PVT1: variants seen among roughly 807,000 people sequenced by gnomAD.
PVT1 encodes the protein CXCR4/PVT1 fusion.
chr8:127,816,649 G>C (rs1814664070), intron 2 of PVT1, among the ~76,000 whole-genome samples: 1 of 151,854 alleles, frequency 6.6e-6, no homozygotes, highest in African/African-American at 2.4e-5. Context: ...TCAGTCTCCT[G>C]AGTAGCTGGG....
At chr8:127,990,917 G>A (rs1278870212) in intron 4 of PVT1, among the ~76,000 whole-genome samples, 6 of 152,184 alleles carry the variant, frequency 3.9e-5, no homozygotes, top group African/African-American at 1.4e-4. Context: ...TGCCTCTCGT[G>A]ACTCTTGAAA....
chr8:127,832,325 C>T (rs1563616772), intron 2 of PVT1, among the ~76,000 whole-genome samples: 1 of 152,192 alleles, frequency 6.6e-6, no homozygotes, highest in Non-Finnish European at 1.5e-5. Context: ...GCAGGCATCA[C>T]TAGCTGATCA....
intron 4 of PVT1, among the ~76,000 whole-genome samples, chr8:128,069,802 G>A (rs548451499): frequency 6.6e-6 from 1 of 152,258 alleles, no homozygotes; most frequent in Admixed American, 6.5e-5. Flanking sequence ...TTCACGCCTG[G>A]GTTCTCTGAC....
intron 3 of PVT1, among the ~76,000 whole-genome samples, chr8:127,966,115 T>A (rs1816700491): frequency 6.6e-6 from 1 of 152,206 alleles, no homozygotes; most frequent in African/African-American, 2.4e-5. Flanking sequence ...GGTGGATCAA[T>A]GTAGCTGATG....
chr8:128,021,441 C>T (rs1482462047), intron 4 of PVT1, among the ~76,000 whole-genome samples: 4 of 151,868 alleles, frequency 2.6e-5, no homozygotes, highest in African/African-American at 9.7e-5. Flanking sequence ...CCACAGGCGC[C>T]CGCCACCATG....
chr8:127,800,764 G>A (rs1206713677), intron 2 of PVT1, among the ~76,000 whole-genome samples: 1 of 152,142 alleles, frequency 6.6e-6, no homozygotes, highest in Non-Finnish European at 1.5e-5. Flanking sequence ...GATGCAGAAA[G>A]GAAGAAAAAG....
At chr8:128,081,403 A>G (rs1470608173) in intron 5 of PVT1, among the ~76,000 whole-genome samples, 1 of 152,238 alleles carries the variant, frequency 6.6e-6, no homozygotes, top group Non-Finnish European at 1.5e-5. Flanking sequence ...TTGGGTAGAC[A>G]CCAAGGAGCG....
intron 4 of PVT1, chr8:128,048,402 T>G (rs1813646230): frequency 6.6e-6 from 1 of 152,272 alleles, no homozygotes; most frequent in Non-Finnish European, 1.5e-5. Context: ...TCCCGTCCTT[T>G]TCCTTGAGCT....
intron 3 of PVT1, among the ~76,000 whole-genome samples, chr8:127,961,384 G>A (rs1051541820): frequency 6.6e-6 from 1 of 152,168 alleles, no homozygotes; most frequent in Non-Finnish European, 1.5e-5. Context: ...AGAGCCTCTG[G>A]GGTTACAGGA....
intron 2 of PVT1, among the ~76,000 whole-genome samples, chr8:127,868,700 T>C (rs1037264958): frequency 6.9e-6 from 1 of 145,134 alleles, no homozygotes; most frequent in African/African-American, 2.5e-5. Context: ...TCACTGCACC[T>C]GGCCCACAGG....
intron 2 of PVT1, among the ~76,000 whole-genome samples, chr8:127,877,303 C>T (rs1205013806): frequency 1.3e-5 from 2 of 152,224 alleles, no homozygotes; most frequent in Admixed American, 6.5e-5. Flanking sequence ...GCCCTTTTCA[C>T]GCTGCTGTTT....
At chr8:127,920,348 T>C (rs1052208650) in intron 3 of PVT1, among the ~76,000 whole-genome samples, 1 of 152,230 alleles carries the variant, frequency 6.6e-6, no homozygotes, top group Non-Finnish European at 1.5e-5. Context: ...CCCAGGCTCA[T>C]TGAAGACTCT....
At chr8:128,035,688 T>C (rs1306499951) in intron 4 of PVT1, among the ~76,000 whole-genome samples, 5 of 151,980 alleles carry the variant, frequency 3.3e-5, no homozygotes, top group Admixed American at 3.3e-4. Flanking sequence ...ATGGGAAGAG[T>C]GCTGAATTAC....
At chr8:127,998,027 C>T (rs1355019525) in intron 4 of PVT1, among the ~76,000 whole-genome samples, 1 of 152,182 alleles carries the variant, frequency 6.6e-6, no homozygotes, top group Non-Finnish European at 1.5e-5. Context: ...AGGAAGGCCA[C>T]AGAGGTAAAG....
intron 3 of PVT1, among the ~76,000 whole-genome samples, chr8:127,912,969 A>T (rs548189668): frequency 2.0e-5 from 3 of 152,168 alleles, no homozygotes; most frequent in Non-Finnish European, 4.4e-5. Flanking sequence ...AAGTGTTGGG[A>T]TTACAGGCGT....
chr8:127,874,763 C>T (rs1157703581), intron 2 of PVT1, among the ~76,000 whole-genome samples: 1 of 152,192 alleles, frequency 6.6e-6, no homozygotes, highest in African/African-American at 2.4e-5. Flanking sequence ...GGTTTTCATC[C>T]TCCTTAAGGC....
At chr8:127,940,735 G>A (rs1487840010) in intron 3 of PVT1, among the ~76,000 whole-genome samples, 1 of 151,848 alleles carries the variant, frequency 6.6e-6, no homozygotes, top group African/African-American at 2.4e-5. Flanking sequence ...AGAGTAGCTG[G>A]GACTTCAGGC....
At chr8:128,034,768 G>A (rs1337947077) in intron 4 of PVT1, among the ~76,000 whole-genome samples, 1 of 152,100 alleles carries the variant, frequency 6.6e-6, no homozygotes, top group African/African-American at 2.4e-5. Flanking sequence ...CTCACACTTG[G>A]CAAATGTGTG....
chr8:127,866,120 T>C (rs1185912523), intron 2 of PVT1, among the ~76,000 whole-genome samples: 1 of 152,160 alleles, frequency 6.6e-6, no homozygotes, highest in African/African-American at 2.4e-5. Flanking sequence ...GCCCTGCTGT[T>C]TAAATTGTTG....
Sources: allele counts gnomAD v4.1 joint callset (sites outside exome capture counted in the v4.1 genomes callset), GRCh38; gene constraint gnomAD v4.1.1; transcripts MANE v1.5; gene names NCBI Gene and HGNC (gene_info 2026-07-23, HGNC 2026-07-21).